The following ARHGEF11 variants were observed in gnomAD, a reference collection of about 807,000 sequenced individuals.
ARHGEF11 encodes Rho guanine nucleotide exchange factor 11, also known as Rho guanine exchange factor (GEF) 11.
A neutral mutation model predicts 193.7 loss-of-function variants in ARHGEF11; 55 were observed. The observed-to-expected ratio is 0.28, with a 90% CI of 0.23 to 0.36. The LOEUF (loss-of-function observed/expected upper bound fraction) is 0.36. Among genes scored for constraint, ARHGEF11 ranks in the 10% least tolerant of loss-of-function variants. ARHGEF11 has a pLI of 1.00. For synonymous variants in ARHGEF11, 693 were observed against 768.0 expected (o/e 0.90, Z 1.62); for missense variants, 1,723 against 2,005.6 (o/e 0.86, Z 2.69).
intron 1 of ARHGEF11, among the ~76,000 whole-genome samples, chr1:156,991,343 A>G (rs1357757023): frequency 6.6e-6 from 1 of 152,200 alleles, no homozygotes; most frequent in Non-Finnish European, 1.5e-5. Context: ...TTTTTGAGAC[A>G]GGGTTTCACT....
intron 7 of ARHGEF11, among the ~76,000 whole-genome samples, chr1:156,973,750 T>G (rs920831101): frequency 8.5e-5 from 13 of 152,214 alleles, no homozygotes; most frequent in African/African-American, 2.9e-4. Context: ...CTTTTATTCT[T>G]TCTTCTCCTT....
Position 156,936,046 on chromosome 1 carries a change from G to A in ARHGEF11, c.4643C>T (p.Pro1548Leu), listed in dbSNP as rs370417432. ...TGCGTCTGCTGTGCTGTCTTCCAGGGGGGCGTCAGAGCCTGTGGGAGGAGG... is the reference window on the plus strand; with the variant it reads ...TGCGTCTGCTGTGCTGTCTTCCAGGAGGGCGTCAGAGCCTGTGGGAGGAGG... ...GPCPEDGSDA[P>L]LEDSTADAAA... The change falls in exon 41 of 41, where the codon CCC (proline) becomes CTC (leucine). Residue 1548 changes from proline (P) to leucine (L), a missense_variant. Around this residue, in one of 5 missense-constraint regions of ARHGEF11, gnomAD observed 360 missense variants for 344.4 expected, o/e 1.05. Coordinates refer to ENST00000368194, the MANE Select transcript of ARHGEF11 (RefSeq NM_198236.3). The A allele has an allele frequency of 6.2e-7, 1 of 1,614,058 alleles. No individual in the cohort carries two copies. The highest frequency in any genetic ancestry group is 8.5e-7 in the Non-Finnish European group (1 of 1,179,948).
chr1:156,966,360 A>C (rs1024790780), intron 11 of ARHGEF11, among the ~76,000 whole-genome samples: 1 of 152,234 alleles, frequency 6.6e-6, no homozygotes, highest in African/African-American at 2.4e-5. Flanking sequence ...CAGCACACAC[A>C]TATGTAATTA....
chr1:156,998,852 T>C (rs993676938), intron 1 of ARHGEF11, among the ~76,000 whole-genome samples: 6 of 152,254 alleles, frequency 3.9e-5, no homozygotes, highest in South Asian at 4.1e-4. Flanking sequence ...ATGAAAAGAA[T>C]AGCATCTCAA....
intron 1 of ARHGEF11, among the ~76,000 whole-genome samples, chr1:157,001,181 C>T (rs1667165661): frequency 3.3e-5 from 5 of 152,168 alleles, no homozygotes; most frequent in Admixed American, 2.6e-4. Context: ...ACGTATTCTA[C>T]CGTGTGATCT....
At chr1:156,958,200 C>T (rs994372121) in intron 17 of ARHGEF11, among the ~76,000 whole-genome samples, 1 of 152,078 alleles carries the variant, frequency 6.6e-6, no homozygotes, top group Non-Finnish European at 1.5e-5. Flanking sequence ...GTCTGTGATA[C>T]TGGGGCTTGC....
At chr1:157,012,419 T>C (rs546344136) in intron 1 of ARHGEF11, among the ~76,000 whole-genome samples, 22 of 152,316 alleles carry the variant, frequency 1.4e-4, no homozygotes, top group African/African-American at 4.6e-4. Flanking sequence ...ATGGCACAAC[T>C]GTGACTATAC....
At chr1:156,997,038 AT>A (rs111766299) in intron 1 of ARHGEF11, among the ~76,000 whole-genome samples, 48 of 145,556 alleles carry the variant, frequency 3.3e-4, no homozygotes, top group African/African-American at 6.0e-4. Context: ...GTTAAAAAAA[AT>A]TTTTTTTTTT....
intron 1 of ARHGEF11, among the ~76,000 whole-genome samples, chr1:157,037,089 T>A (rs1323842530): frequency 6.6e-6 from 1 of 152,136 alleles, no homozygotes; most frequent in Non-Finnish European, 1.5e-5. Flanking sequence ...GATCGTGCCA[T>A]GGCACTGTAG....
intron 22 of ARHGEF11, among the ~76,000 whole-genome samples, chr1:156,949,543 G>A (rs1658759407): frequency 6.6e-6 from 1 of 152,164 alleles, no homozygotes; most frequent in African/African-American, 2.4e-5. Flanking sequence ...GATCCAAAAT[G>A]GAGCTCATCT....
chr1:156,944,528 G>A (rs1657761034), intron 30 of ARHGEF11, 95 bp from the exon 31 acceptor site: 1 of 1,345,640 alleles, frequency 7.4e-7, no homozygotes, highest in Non-Finnish European at 1.1e-6. Flanking sequence ...TTAAGGTGCT[G>A]GGAATTGGTA....
intron 10 of ARHGEF11, 81 bp from the exon 11 acceptor site, chr1:156,968,205 T>C: frequency 2.0e-6 from 3 of 1,477,684 alleles, no homozygotes; most frequent in Non-Finnish European, 2.7e-6. Flanking sequence ...TTGGTGGTGA[T>C]AACCATACTT....
chr1:156,984,362 A>G lies in ARHGEF11; in HGVS notation c.200T>C (p.Val67Ala). Residue 67 changes from valine to alanine, a missense_variant, in exon 3 of 41, where the codon GTT becomes GCT. Transcript: ENST00000368194. ...ACCAGGCCGCACAGACTGCACCAGA[A>G]CAATGCGATCCCCACTGACTGTGAA... ...FGFTVSGDRIVLVQSVRPGGA... is the reference protein window; with the variant it reads ...FGFTVSGDRIALVQSVRPGGA... 1 of 1,594,284 alleles carries G rather than the reference A, an allele frequency of 6.3e-7. No homozygotes were observed. Among genetic ancestry groups the G allele is most frequent in the East Asian group, 2.2e-5 (1 of 44,456 alleles).
At chr1:156,974,924 T>C (rs1361453114) in intron 7 of ARHGEF11, among the ~76,000 whole-genome samples, 2 of 152,232 alleles carry the variant, frequency 1.3e-5, no homozygotes, top group South Asian at 2.1e-4. Flanking sequence ...GGAAGAACAT[T>C]TGGGTTGTTT....
chr1:156,936,417 G>A (rs1300802572), intron 40 of ARHGEF11, among the ~76,000 whole-genome samples: 2 of 145,752 alleles, frequency 1.4e-5, no homozygotes, highest in Non-Finnish European at 3.0e-5. Flanking sequence ...GGATCACTTC[G>A]GCCCAGGAGT....
intron 19 of ARHGEF11, 80 bp from the exon 20 acceptor site, chr1:156,955,879 C>T: frequency 9.1e-7 from 1 of 1,102,676 alleles, no homozygotes; most frequent in South Asian, 1.2e-5. Flanking sequence ...GCCACTGTCC[C>T]CCAAGGCTGG....
intron 3 of ARHGEF11, among the ~76,000 whole-genome samples, chr1:156,980,848 A>G (rs1427335781): frequency 4.3e-3 from 261 of 61,160 alleles, no homozygotes; most frequent in East Asian, 8.4e-3. Flanking sequence ...GGGGGGGGGG[A>G]AATGAGTTTA....
At chr1:157,021,624 G>A (rs914566849) in intron 1 of ARHGEF11, among the ~76,000 whole-genome samples, 1 of 151,686 alleles carries the variant, frequency 6.6e-6, no homozygotes, top group Admixed American at 6.6e-5. Context: ...TAAACGAGAG[G>A]CCAAATAAAG....
intron 33 of ARHGEF11, among the ~76,000 whole-genome samples, 197 bp downstream of exon 33, chr1:156,942,493 C>T (rs754079342): frequency 1.8e-4 from 27 of 152,202 alleles, no homozygotes; most frequent in Non-Finnish European, 3.1e-4. Flanking sequence ...CTCCCAGAAG[C>T]GGGCCTGGTG....
Sources: gnomAD v4.1 joint callset for allele counts (sites outside exome capture counted in the v4.1 genomes callset) on GRCh38, gnomAD v4.1.1 for gene constraint, gnomAD v4.1.1 regional missense constraint, MANE v1.5 for transcripts, NCBI Gene and HGNC (gene_info 2026-07-23, HGNC 2026-07-21) for gene names.